Variants in NSD3 observed in about 807,000 individuals in gnomAD.
NSD3 encodes histone-lysine N-methyltransferase NSD3.
In NSD3, 24 loss-of-function variants were observed where a neutral mutation model predicts 160.8. The observed-to-expected ratio is 0.15, with a 90% CI of 0.11 to 0.21. The LOEUF is 0.21. Among genes scored for constraint, NSD3 ranks in the 10% least tolerant of loss-of-function variants. The pLI is 1.00. For missense variants in NSD3, 1,157 were observed against 1,735.9 expected, an observed-to-expected ratio of 0.67 and a Z score of 5.93; for synonymous variants, 520 against 600.0, an observed-to-expected ratio of 0.87 and a Z score of 1.95.
intron 1 of NSD3, among the ~76,000 whole-genome samples, chr8:38,361,111 C>A (rs1022995321): frequency 6.6e-6 from 1 of 152,078 alleles, no homozygotes; most frequent in Non-Finnish European, 1.5e-5. Context: ...CTGCAACCTC[C>A]GCCTCCCGAG....
intron 23 of NSD3, 34 bp from the exon 24 acceptor site, chr8:38,275,916 G>A (rs1585846951): frequency 6.3e-7 from 1 of 1,590,646 alleles, no homozygotes; most frequent in Non-Finnish European, 8.6e-7. Flanking sequence ...AGAAGGAGAA[G>A]TGCCCAAGTT....
At chr8:38,357,617 T>C (rs1810857674) in intron 1 of NSD3, among the ~76,000 whole-genome samples, 1 of 152,188 alleles carries the variant, frequency 6.6e-6, no homozygotes, top group Non-Finnish European at 1.5e-5. Context: ...TGAGTAACTT[T>C]CCTCTGTGTT....
intron 4 of NSD3, among the ~76,000 whole-genome samples, chr8:38,333,852 C>T (rs530710068): frequency 1.3e-5 from 2 of 151,310 alleles, no homozygotes; most frequent in African/African-American, 2.4e-5. Context: ...CCGGCCTGGG[C>T]GACAGAGCGA....
chr8:38,361,174 A>G (rs955179828), intron 1 of NSD3, among the ~76,000 whole-genome samples: 9 of 152,014 alleles, frequency 5.9e-5, no homozygotes, highest in African/African-American at 2.2e-4. Context: ...TTGTATTATT[A>G]GTAGAGACGG....
At chr8:38,342,109 T>C (rs1485303830) in intron 2 of NSD3, among the ~76,000 whole-genome samples, 2 of 152,234 alleles carry the variant, frequency 1.3e-5, no homozygotes, top group Non-Finnish European at 2.9e-5. Flanking sequence ...ACAGTCATTT[T>C]AAAAGAAATA....
intron 2 of NSD3, among the ~76,000 whole-genome samples, chr8:38,345,258 AGAAG>A (rs1334328556): frequency 7.7e-6 from 1 of 130,260 alleles, no homozygotes; most frequent in Non-Finnish European, 1.6e-5. Context: ...AAGGGAGAGA[AGAAG>A]GAAGGAATGG....
intron 16 of NSD3, among the ~76,000 whole-genome samples, chr8:38,292,456 G>A (rs1809019295): frequency 6.6e-6 from 1 of 151,910 alleles, no homozygotes. Flanking sequence ...AGACCAGCCT[G>A]GCCAACATGG....
chr8:38,291,749 T>G (rs538749423), intron 16 of NSD3, among the ~76,000 whole-genome samples: 26 of 152,356 alleles, frequency 1.7e-4, no homozygotes, highest in Non-Finnish European at 3.4e-4. Flanking sequence ...GTTACTGCCT[T>G]CACTAACGTC....
In NSD3 at chr8:38,329,698, G is replaced by T; in HGVS notation, c.1261C>A (p.Arg421=). ...ASKTEVKKTR[R]PRSVLNTQPE... The stretch of plus-strand genomic sequence containing the variant: ...TGAGTATTCAGCACAGATCTTGGTC[G>T]TCGGGTTTTTTTAACTTCGGTTTTG... The change falls in exon 6 of 24, where the codon CGA becomes AGA. Residue 421 remains arginine (R), a synonymous_variant. Transcript: ENST00000317025. This position sits in a 1 kb window ranked among gnomAD's most constrained non-coding sequence, Gnocchi z 4.8. 6.2e-7 allele frequency: 1 copy of T among 1,614,186 alleles called. No homozygotes were observed. Among genetic ancestry groups the T allele is most frequent in the African/African-American group, 1.3e-5 (1 of 75,052 alleles).
At position 38,347,478 on chromosome 8, in the gene NSD3, A is replaced by C. The variant is rs754086909; in HGVS notation, c.675+19T>G. 5 of 1,544,686 alleles carry C rather than the reference A, an allele frequency of 3.2e-6. No homozygotes were observed. In the South Asian group the frequency reaches 3.8e-5, roughly 12 times the overall value. On this transcript the variant is annotated intron_variant, in intron 2 of 23. Coordinates refer to ENST00000317025, the MANE Select transcript of NSD3 (RefSeq NM_023034.2). The stretch of plus-strand genomic sequence containing the variant: ...ATGTGAAATATAACAAAATTTTTCA[A>C]AACGACTTTTCAACTTACATTTTGT...
chr8:38,306,012 T>G (rs1332098307), intron 12 of NSD3, among the ~76,000 whole-genome samples: 3 of 152,102 alleles, frequency 2.0e-5, no homozygotes, highest in African/African-American at 7.2e-5. Context: ...AATGATATTT[T>G]CAAAGGGCTG....
intron 7 of NSD3, among the ~76,000 whole-genome samples, chr8:38,322,597 G>A (rs1447383728): frequency 2.6e-5 from 4 of 152,190 alleles, no homozygotes; most frequent in South Asian, 4.1e-4. Flanking sequence ...CTGTCTTATA[G>A]AGGATAAAGC....
chr8:38,302,262 G>C (rs75499868), intron 14 of NSD3, among the ~76,000 whole-genome samples: 1 of 152,208 alleles, frequency 6.6e-6, no homozygotes, highest in Non-Finnish European at 1.5e-5. Context: ...GCTCCTTTCT[G>C]TGTGTGGATT....
intron 14 of NSD3, among the ~76,000 whole-genome samples, chr8:38,301,616 G>C (rs902726444): frequency 6.6e-6 from 1 of 152,174 alleles, no homozygotes; most frequent in African/African-American, 2.4e-5. Context: ...AATGAACTTT[G>C]TACATTTAAT....
chr8:38,274,215 T>C lies in NSD3; in HGVS notation c.*1426A>G, dbSNP rs1808547561. ...TACAGTGTTACAACAATGTCTGACATTACTAATTATTTTCATACAAGGAAT... is the reference window on the plus strand; with the variant it reads ...TACAGTGTTACAACAATGTCTGACACTACTAATTATTTTCATACAAGGAAT... On this transcript the variant is annotated 3_prime_UTR_variant, in exon 24 of 24. Coordinates refer to ENST00000317025, the MANE Select transcript of NSD3 (RefSeq NM_023034.2). 1 of 152,228 alleles carries C rather than the reference T, an allele frequency of 6.6e-6. No individual in the cohort carries two copies. The highest frequency in any genetic ancestry group is 1.5e-5 in the Non-Finnish European group (1 of 68,038). 9.4% of individuals were successfully genotyped at this position (152,228 alleles called of 1,614,324 possible).
intron 15 of NSD3, among the ~76,000 whole-genome samples, chr8:38,299,188 T>G (rs1368464441): frequency 6.6e-6 from 1 of 152,248 alleles, no homozygotes; most frequent in African/African-American, 2.4e-5. Flanking sequence ...AGTCTTCCTA[T>G]TTTAATAACT....
chr8:38,324,707 A>AGTTG (rs909772795), intron 7 of NSD3, among the ~76,000 whole-genome samples: 108 of 152,326 alleles, frequency 7.1e-4, no homozygotes, highest in African/African-American at 2.5e-3. Flanking sequence ...GTGGGTTCCT[A>AGTTG]GTTGGGGGCT....
At chr8:38,341,886 T>C (rs933070904) in intron 2 of NSD3, among the ~76,000 whole-genome samples, 1 of 151,612 alleles carries the variant, frequency 6.6e-6, no homozygotes, top group African/African-American at 2.4e-5. Flanking sequence ...TTTGAGGCTG[T>C]GTGAGCTATG....
intron 19 of NSD3, among the ~76,000 whole-genome samples, chr8:38,287,134 G>A (rs1808880104): frequency 6.6e-6 from 1 of 152,102 alleles, no homozygotes; most frequent in Non-Finnish European, 1.5e-5. Flanking sequence ...ATTTCACTTC[G>A]AGCAATCTGA....
Sources: allele counts gnomAD v4.1 joint callset (sites outside exome capture counted in the v4.1 genomes callset), GRCh38; gene constraint gnomAD v4.1.1; non-coding constraint Gnocchi (gnomAD v3.1); transcripts MANE v1.5; gene names NCBI Gene and HGNC (gene_info 2026-07-23, HGNC 2026-07-21).